The following FSTL4 variants were observed in gnomAD, a reference collection of about 807,000 sequenced individuals.
FSTL4 encodes follistatin like 4, also known as follistatin-related protein 4.
Under a neutral mutation model 78.2 loss-of-function variants are expected in FSTL4, and 28 were observed. The observed-to-expected ratio is 0.36, with a 90% CI of 0.27 to 0.49. The LOEUF (loss-of-function observed/expected upper bound fraction) is 0.49, where lower values mean the gene tolerates loss of function less well. FSTL4 is among the 20% of genes least tolerant of loss of function. The pLI is 0.98. For missense variants in FSTL4, 922 were observed against 1,084.9 expected, an observed-to-expected ratio of 0.85 and a Z score of 2.11; for synonymous variants, 422 against 440.5, an observed-to-expected ratio of 0.96 and a Z score of 0.53.
At chr5:133,633,354 C>G in the FSTL4 span, among the ~76,000 whole-genome samples, 1 of 152,104 alleles carries the variant, frequency 6.6e-6, no homozygotes, top group African/African-American at 2.4e-5. Context: ...ATATATTGTT[C>G]TATCTTCAAA....
At chr5:133,557,483 C>T (rs1759813860) in intron 3 of FSTL4, among the ~76,000 whole-genome samples, 1 of 152,266 alleles carries the variant, frequency 6.6e-6, no homozygotes, top group Non-Finnish European at 1.5e-5. Context: ...CTCCCACTCT[C>T]ACTTCATGAT....
chr5:133,485,368 C>T (rs1310339838), intron 3 of FSTL4, among the ~76,000 whole-genome samples: 1 of 152,144 alleles, frequency 6.6e-6, no homozygotes, highest in Non-Finnish European at 1.5e-5. Flanking sequence ...CAGGTAATGG[C>T]GCAGCTTCCC....
intron 4 of FSTL4, among the ~76,000 whole-genome samples, chr5:133,363,919 G>C (rs1755123724): frequency 6.6e-6 from 1 of 152,168 alleles, no homozygotes; most frequent in African/African-American, 2.4e-5. Context: ...TGTTCTAATG[G>C]CTGGGTTAAT....
the FSTL4 span, among the ~76,000 whole-genome samples, chr5:133,759,678 T>C: frequency 6.6e-6 from 1 of 152,218 alleles, no homozygotes; most frequent in Non-Finnish European, 1.5e-5. Context: ...TTTCTCTAAC[T>C]GTGGACCAAG....
At chr5:133,259,329 A>G (rs1037672425) in intron 6 of FSTL4, among the ~76,000 whole-genome samples, 3 of 151,944 alleles carry the variant, frequency 2.0e-5, no homozygotes, top group Non-Finnish European at 4.4e-5. Context: ...GTCTTGAGGC[A>G]GGGTGGGGGC....
In FSTL4 at chr5:133,395,504, C is replaced by T. The variant is rs531390254; in HGVS notation, c.409+5234G>A. Among the ~76,000 whole-genome samples the T allele has an allele frequency of 2.3e-3, 352 of 152,312 alleles. 1 individual carries two copies. The highest frequency in any genetic ancestry group is 8.2e-3 in the African/African-American group (340 of 41,560). ...ACTTGTAACACTCACCGCGCGGGTC[C>T]GCGGCTTCATTCTCGAAGTCAGAGA... On this transcript the variant is annotated intron_variant, in intron 4 of 15. Coordinates refer to ENST00000265342, the MANE Select transcript of FSTL4 (RefSeq NM_015082.2).
At chr5:133,497,465 T>G (rs1158411610) in intron 3 of FSTL4, among the ~76,000 whole-genome samples, 4 of 152,196 alleles carry the variant, frequency 2.6e-5, no homozygotes, top group African/African-American at 9.7e-5. Context: ...TTTGCTGTTG[T>G]TTGCCTGAGG....
At chr5:133,646,297 T>G in the FSTL4 span, among the ~76,000 whole-genome samples, 1 of 151,704 alleles carries the variant, frequency 6.6e-6, no homozygotes, top group Non-Finnish European at 1.5e-5. Context: ...AAGGAGAAAA[T>G]AAGTCAAAGG....
the FSTL4 span, among the ~76,000 whole-genome samples, chr5:133,718,255 AT>A: frequency 3.7e-4 from 56 of 151,966 alleles, no homozygotes; most frequent in Non-Finnish European, 2.9e-5. Context: ...AATTTTTGAC[AT>A]TTTTAGTAGA....
the FSTL4 span, among the ~76,000 whole-genome samples, chr5:133,678,164 G>C: frequency 6.2e-4 from 94 of 152,278 alleles, no homozygotes; most frequent in Middle Eastern, 3.4e-3. Context: ...TTAATGCAAG[G>C]AGACAGATAA....
At chr5:133,269,622 A>G (rs749459122) in intron 6 of FSTL4, among the ~76,000 whole-genome samples, 27 of 152,220 alleles carry the variant, frequency 1.8e-4, no homozygotes, top group Admixed American at 6.5e-5. Context: ...GAGTTTTTCA[A>G]TCAGCCCAAT....
chr5:133,288,743 T>C (rs1753192027), intron 6 of FSTL4, among the ~76,000 whole-genome samples: 1 of 152,208 alleles, frequency 6.6e-6, no homozygotes, highest in South Asian at 2.1e-4. Context: ...AAAAGGGCTC[T>C]GGCCTCGCTT....
chr5:133,248,095 T>C (rs1752099155), intron 7 of FSTL4: 1 of 152,252 alleles, frequency 6.6e-6, no homozygotes, highest in Non-Finnish European at 1.5e-5. Context: ...ATATGCCCCT[T>C]GGGATAAGGA....
the FSTL4 span, among the ~76,000 whole-genome samples, chr5:133,775,685 C>T: frequency 6.6e-6 from 1 of 152,136 alleles, no homozygotes; most frequent in Non-Finnish European, 1.5e-5. Context: ...GACTTAGACT[C>T]CTGTGGTACC....
chr5:133,235,409 GA>G (rs1561634923), intron 7 of FSTL4, among the ~76,000 whole-genome samples: 1 of 148,570 alleles, frequency 6.7e-6, no homozygotes, highest in Non-Finnish European at 1.5e-5. Flanking sequence ...TGAGGTAGGA[GA>G]ATTGCTTGAA....
intron 3 of FSTL4, among the ~76,000 whole-genome samples, chr5:133,443,878 G>A (rs899582679): frequency 6.6e-6 from 1 of 152,200 alleles, no homozygotes; most frequent in African/African-American, 2.4e-5. Flanking sequence ...TCTCAGTTCA[G>A]AATACTCCCC....
chr5:133,701,767 ACGTT>A, the FSTL4 span, among the ~76,000 whole-genome samples: 1 of 152,186 alleles, frequency 6.6e-6, no homozygotes, highest in African/African-American at 2.4e-5. Flanking sequence ...ACAGTAGAAC[ACGTT>A]TGCGTGTTTT....
the FSTL4 span, among the ~76,000 whole-genome samples, chr5:133,699,908 A>C: frequency 1.4e-5 from 2 of 142,750 alleles, no homozygotes; most frequent in African/African-American, 5.2e-5. Flanking sequence ...AAAACAACCC[A>C]GTGCCTTACA....
chr5:133,716,600 G>A, the FSTL4 span, among the ~76,000 whole-genome samples: 28 of 152,204 alleles, frequency 1.8e-4, no homozygotes, highest in Non-Finnish European at 2.8e-4. Context: ...GAGATTTGGA[G>A]GGTGCTTGTC....
Sources: allele counts gnomAD v4.1 joint callset (sites outside exome capture counted in the v4.1 genomes callset), GRCh38; gene constraint gnomAD v4.1.1; transcripts MANE v1.5; gene names NCBI Gene and HGNC (gene_info 2026-07-23, HGNC 2026-07-21).